The following PIGZ variants were observed in gnomAD, a reference collection of about 807,000 sequenced individuals.
PIGZ encodes the protein GPI alpha-1,2-mannosyltransferase 4.
In PIGZ, 16 loss-of-function variants were observed where a neutral mutation model predicts 16.4. The observed-to-expected ratio is 0.97, with a 90% confidence interval of 0.66 to 1.48. PIGZ has a LOEUF of 1.48. Ranked by LOEUF, PIGZ falls within the 40% of genes most tolerant of loss-of-function variation. The probability of loss-of-function intolerance (pLI) is 0.00; values close to 1 mark genes in which losing one functional copy is unlikely to be tolerated. For synonymous variants in PIGZ, 409 were observed against 338.4 expected (o/e 1.21, Z -2.29); for missense variants, 770 against 739.2 (o/e 1.04, Z -0.48).
chr3:196,962,934 C>A (rs1432763928), intron 1 of PIGZ, among the ~76,000 whole-genome samples: 1 of 152,202 alleles, frequency 6.6e-6, no homozygotes, highest in Non-Finnish European at 1.5e-5. Flanking sequence ...GAGTGCCGGT[C>A]CCCTGGGCCC....
intron 1 of PIGZ, among the ~76,000 whole-genome samples, chr3:196,954,512 C>G (rs1030779381): frequency 6.6e-6 from 1 of 152,096 alleles, no homozygotes; most frequent in East Asian, 1.9e-4. Context: ...AAAACATCAA[C>G]TTTTGCCCTT....
In PIGZ at chr3:196,948,866, C is replaced by CCCTTCCTTCCTTT. The variant is rs1553836700; in HGVS notation, c.212-182_212-181insAAAGGAAGGAAGG. Among the ~76,000 whole-genome samples the CCCTTCCTTCCTTT allele has an allele frequency of 1.1e-3, 97 of 85,728 alleles. 9 individuals carry two copies. The East Asian group carries it at 0.023, about 20-fold the overall frequency. 56.2% of individuals were successfully genotyped at this position (85,728 alleles called of 152,430 possible). A position where few individuals can be genotyped will look rare whatever the true frequency, so the allele number is the denominator to read the frequency against. ...CTCTCCCTCCTTCTTTCCCTTCCTT[C>CCCTTCCTTCCTTT]CCTTCCTTCCTTCCCTTCCTTCCCC... is the stretch of plus-strand genomic sequence containing the variant. On this transcript the variant is annotated intron_variant, in intron 2 of 2. Transcript: ENST00000412723.
intron 1 of PIGZ, among the ~76,000 whole-genome samples, chr3:196,966,044 G>A (rs962916771): frequency 1.3e-5 from 2 of 152,080 alleles, no homozygotes; most frequent in East Asian, 1.9e-4. Flanking sequence ...TCCCCTTCCC[G>A]CCTCCACTCC....
intron 1 of PIGZ, among the ~76,000 whole-genome samples, chr3:196,959,632 C>T (rs1717629874): frequency 6.6e-6 from 1 of 152,224 alleles, no homozygotes; most frequent in Admixed American, 6.5e-5. Flanking sequence ...TACTACCTTT[C>T]TCTCCTCCTC....
At chr3:196,964,044 T>TTTTA (rs565540080) in intron 1 of PIGZ, among the ~76,000 whole-genome samples, 5 of 151,366 alleles carry the variant, frequency 3.3e-5, no homozygotes, top group South Asian at 2.1e-4. Context: ...TTATTTTTAT[T>TTTTA]TTTATTTATT....
rs527937384 is a variant in PIGZ, at chr3:196,962,058, G to A, written c.-1+6629C>T. The stretch of plus-strand genomic sequence containing the variant: ...AAGGTCTGTATGGGGAAAAGAAAGA[G>A]AGATCAGACTGTTACTGTGTCTATG... On this transcript the variant is annotated intron_variant, in intron 1 of 2. Transcript: ENST00000412723. Among the ~76,000 whole-genome samples, 22 of 152,302 alleles carry A rather than the reference G, an allele frequency of 1.4e-4. No homozygotes were observed. In the South Asian group the frequency reaches 4.4e-3, roughly 30 times the overall value.
At chr3:196,950,712 C>A (rs867803324) in intron 2 of PIGZ, among the ~76,000 whole-genome samples, 3 of 151,990 alleles carry the variant, frequency 2.0e-5, no homozygotes, top group African/African-American at 7.3e-5. Flanking sequence ...GCTGATGCCT[C>A]CAAAATATCT....
At chr3:196,961,802 A>G (rs554549330) in intron 1 of PIGZ, among the ~76,000 whole-genome samples, 1 of 152,320 alleles carries the variant, frequency 6.6e-6, no homozygotes, top group East Asian at 1.9e-4. Context: ...AAATATAATT[A>G]ATATACCGTA....
At position 196,946,926 on chromosome 3, in the gene PIGZ, T is replaced by C. The variant is rs1351562753; in HGVS notation, c.*231A>G. ...ACAGGTGTCGTCACTTAACCTGGTC[T>C]TTGGGGACCTTGACATCAAGACCGA... is the stretch of plus-strand genomic sequence containing the variant. On this transcript the variant is annotated 3_prime_UTR_variant, in exon 3 of 3. Transcript: ENST00000412723. 1 of 473,866 alleles carries C rather than the reference T, an allele frequency of 2.1e-6. No individual in the cohort carries two copies. The highest frequency in any genetic ancestry group is 3.7e-6 in the Non-Finnish European group (1 of 268,940). The allele number at this position is 473,866 out of a possible 1,614,324, so 29.4% of individuals were successfully genotyped here.
rs1717665921 is a variant in PIGZ at position 196,960,498 on chromosome 3, C to T, written c.-1+8189G>A. On this transcript the variant is annotated intron_variant, in intron 1 of 2. Coordinates refer to ENST00000412723, the MANE Select transcript of PIGZ (RefSeq NM_025163.4). ...ACCAGCCTGGCCAACATGGTGAAAC[C>T]CTGTCTCTACTAAAATGACAAAAAT... is the stretch of plus-strand genomic sequence containing the variant. Among the ~76,000 whole-genome samples, 3 of 151,866 alleles carry T rather than the reference C, an allele frequency of 2.0e-5. No homozygotes were observed. The South Asian group carries it at 6.2e-4, about 32-fold the overall frequency.
intron 2 of PIGZ, among the ~76,000 whole-genome samples, chr3:196,951,305 A>G (rs1330121937): frequency 6.6e-6 from 1 of 152,154 alleles, no homozygotes; most frequent in Admixed American, 6.5e-5. Context: ...TGCCCATCAC[A>G]TCTGAAAGGC....
In PIGZ at chr3:196,948,291, G is replaced by C; in HGVS notation, c.606C>G (p.Arg202=). The change falls in exon 3 of 3, where the codon CGC becomes CGG. Residue 202 remains arginine, a synonymous_variant. Coordinates refer to ENST00000412723, the MANE Select transcript of PIGZ (RefSeq NM_025163.4). The part of the protein sequence containing the change: ...VSSHVTWGPT[R]KEPAPGPRWR... ...ACCGTGGACCCGGCGCCGGCTCCTT[G>C]CGTGTAGGGCCCCACGTTACATGGG... is the stretch of plus-strand genomic sequence containing the variant. 2 of 1,614,116 alleles carry C rather than the reference G, an allele frequency of 1.2e-6. No homozygotes were observed. Among genetic ancestry groups the C allele is most frequent in the Non-Finnish European group, 1.7e-6 (2 of 1,180,004 alleles).
At chr3:196,951,232 C>T (rs1717268590) in intron 2 of PIGZ, among the ~76,000 whole-genome samples, 1 of 152,218 alleles carries the variant, frequency 6.6e-6, no homozygotes, top group African/African-American at 2.4e-5. Context: ...GCTGGAAAGA[C>T]TGCCTGTAGG....
chr3:196,953,978 G>A (rs1401214445), intron 1 of PIGZ, among the ~76,000 whole-genome samples: 1 of 140,236 alleles, frequency 7.1e-6, no homozygotes, highest in African/African-American at 2.7e-5. Flanking sequence ...AGGTGACAGA[G>A]CAAGACCCTG....
intron 1 of PIGZ, among the ~76,000 whole-genome samples, chr3:196,966,839 C>T (rs1717948593): frequency 6.6e-6 from 1 of 152,100 alleles, no homozygotes; most frequent in Admixed American, 6.5e-5. Context: ...GGGATCTGTC[C>T]GGGTGCGGGT....
intron 1 of PIGZ, among the ~76,000 whole-genome samples, chr3:196,955,568 CTTTCTTTCTT>C (rs1411625805): frequency 7.0e-4 from 77 of 109,508 alleles, no homozygotes; most frequent in Middle Eastern, 5.2e-3. Context: ...CTTTTCTTTT[CTTTCTTTCTT>C]TTTTTTTTTT....
intron 1 of PIGZ, among the ~76,000 whole-genome samples, chr3:196,956,325 T>C (rs907276775): frequency 6.6e-6 from 1 of 152,154 alleles, no homozygotes; most frequent in Non-Finnish European, 1.5e-5. Context: ...ACAATCATGG[T>C]GGAAGGCAAA....
intron 1 of PIGZ, among the ~76,000 whole-genome samples, chr3:196,953,752 G>T (rs1439659569): frequency 6.6e-6 from 1 of 152,180 alleles, no homozygotes; most frequent in Non-Finnish European, 1.5e-5. Context: ...TATAATCCCA[G>T]AACTTTGGGA....
chr3:196,960,956 T>C (rs949133088), intron 1 of PIGZ, among the ~76,000 whole-genome samples: 15 of 152,162 alleles, frequency 9.9e-5, no homozygotes, highest in African/African-American at 3.4e-4. Context: ...GAGACGGAAG[T>C]AGGAATAAAG....
Sources: gnomAD v4.1 joint callset for allele counts (sites outside exome capture counted in the v4.1 genomes callset) on GRCh38, gnomAD v4.1.1 for gene constraint, MANE v1.5 for transcripts, NCBI Gene and HGNC (gene_info 2026-07-23, HGNC 2026-07-21) for gene names.